The following SETBP1 variants were observed in gnomAD, a reference collection of about 807,000 sequenced individuals.
The protein encoded by SETBP1 is SET binding protein 1, also known as SET-binding protein.
SETBP1 carries 9 observed loss-of-function variants against 101.0 expected under a neutral mutation model. That is an observed-to-expected ratio of 0.09 (90% CI 0.05 to 0.16). The LOEUF is 0.16. Among genes scored for constraint, SETBP1 ranks in the 10% least tolerant of loss-of-function variants. SETBP1 has a pLI of 1.00. For synonymous variants in SETBP1, 818 were observed against 788.5 expected, an observed-to-expected ratio of 1.04 and a Z score of -0.63; for missense variants, 1,858 against 2,033.8, an observed-to-expected ratio of 0.91 and a Z score of 1.66.
chr18:45,045,994 C>G (rs1192446650), intron 5 of SETBP1, among the ~76,000 whole-genome samples: 1 of 152,044 alleles, frequency 6.6e-6, no homozygotes, highest in Non-Finnish European at 1.5e-5. Context: ...AACAAGCCTT[C>G]CCTGACACTC....
chr18:44,999,031 C>T (rs938125933), intron 4 of SETBP1, among the ~76,000 whole-genome samples: 7 of 152,198 alleles, frequency 4.6e-5, no homozygotes, highest in South Asian at 2.1e-4. Context: ...AGAAAACAAT[C>T]CTGATCATCC....
chr18:44,799,712 C>T (rs1374124405), intron 2 of SETBP1, among the ~76,000 whole-genome samples: 2 of 152,160 alleles, frequency 1.3e-5, no homozygotes, highest in South Asian at 2.1e-4. Context: ...TGGAGGTATA[C>T]TTGATAGGAG....
chr18:44,945,506 A>T (rs1242777895), intron 3 of SETBP1, among the ~76,000 whole-genome samples: 3 of 152,204 alleles, frequency 2.0e-5, no homozygotes, highest in African/African-American at 7.2e-5. Context: ...CATTTTTCTT[A>T]TAAAAGTGAG....
chr18:45,018,983 C>T (rs1473032798), intron 4 of SETBP1, among the ~76,000 whole-genome samples: 2 of 152,100 alleles, frequency 1.3e-5, no homozygotes, highest in African/African-American at 4.8e-5. Context: ...AGTATAGACT[C>T]CTAATGAGAG....
Position 44,807,367 on chromosome 18 carries a change from C to T in SETBP1, c.487-61863C>T, listed in dbSNP as rs142867817. Among the ~76,000 whole-genome samples the T allele has an allele frequency of 5.2e-3, 794 of 151,928 alleles. 8 individuals carry two copies. Among genetic ancestry groups the T allele is most frequent in the African/African-American group, 0.018 (741 of 41,476 alleles). On this transcript the variant is annotated intron_variant, in intron 2 of 5. Coordinates refer to ENST00000649279, the MANE Select transcript of SETBP1 (RefSeq NM_015559.3). Reference sequence around the variant, plus strand: ...AAGTACTCTATCAGTAAGCATTTTACATTTATTTTACTCAATTCAGAATCA... The same window carrying T: ...AAGTACTCTATCAGTAAGCATTTTATATTTATTTTACTCAATTCAGAATCA...
chr18:45,004,102 G>A (rs1242249504), intron 4 of SETBP1, among the ~76,000 whole-genome samples: 1 of 152,204 alleles, frequency 6.6e-6, no homozygotes, highest in Non-Finnish European at 1.5e-5. Context: ...TAAATGTCAG[G>A]CGTGCTGAAG....
In SETBP1 at chr18:44,751,193, G is replaced by A. The variant is rs147513076; in HGVS notation, c.486+49361G>A. ...TAGGCAAGGGAGGAGAAAGAAGCAG[G>A]AAGGTAAGGGAGAGTTAAACATGCT... On this transcript the variant is annotated intron_variant, in intron 2 of 5. Transcript: ENST00000649279. Among the ~76,000 whole-genome samples, 256 of 152,322 alleles carry A rather than the reference G, an allele frequency of 1.7e-3. No individual in the cohort carries two copies. The Middle Eastern group carries it at 0.02, about 12-fold the overall frequency.
chr18:44,836,119 C>CT (rs34638058), intron 2 of SETBP1, among the ~76,000 whole-genome samples: 123,872 of 147,320 alleles, frequency 0.84, 52,164 homozygotes, highest in Non-Finnish European at 0.9. Context: ...TCTCTATAAG[C>CT]TTTTTTTTTT....
chr18:44,964,434 T>C (rs983899256), intron 4 of SETBP1, among the ~76,000 whole-genome samples: 3 of 152,188 alleles, frequency 2.0e-5, no homozygotes, highest in Non-Finnish European at 4.4e-5. Flanking sequence ...GTCATAGTCC[T>C]ACAAGTCTGT....
At chr18:44,847,637 G>A (rs1333990631) in intron 2 of SETBP1, among the ~76,000 whole-genome samples, 1 of 152,214 alleles carries the variant, frequency 6.6e-6, no homozygotes. Flanking sequence ...AGCACTGTGG[G>A]GGTAGGGCAC....
At chr18:44,794,585 GT>G (rs1165209640) in intron 2 of SETBP1, among the ~76,000 whole-genome samples, 1 of 152,106 alleles carries the variant, frequency 6.6e-6, no homozygotes, top group Non-Finnish European at 1.5e-5. Flanking sequence ...GGATTTTGAA[GT>G]TTGGATGAGG....
chr18:44,754,818 T>C (rs1599078867), intron 2 of SETBP1, among the ~76,000 whole-genome samples: 1 of 152,232 alleles, frequency 6.6e-6, no homozygotes, highest in East Asian at 1.9e-4. Context: ...GGCTTGATGA[T>C]GAATTCTGTT....
chr18:44,911,607 T>G (rs553069288), intron 3 of SETBP1, among the ~76,000 whole-genome samples: 4 of 152,342 alleles, frequency 2.6e-5, no homozygotes, highest in African/African-American at 9.6e-5. Flanking sequence ...TCTGGGTGTC[T>G]CACCATTAGG....
Position 44,950,767 on chromosome 18 carries a change from C to T in SETBP1, c.1427C>T (p.Pro476Leu). 6.2e-7 allele frequency: 1 copy of T among 1,614,066 alleles called. No homozygotes were observed. The highest frequency in any genetic ancestry group is 8.5e-7 in the Non-Finnish European group (1 of 1,180,012). The change falls in exon 4 of 6, where the codon CCC (proline) becomes CTC (leucine). Residue 476 changes from proline to leucine, a missense_variant. Physicochemically the swap from Pro to Leu is moderately conservative, Grantham distance 98. Coordinates refer to ENST00000649279, the MANE Select transcript of SETBP1 (RefSeq NM_015559.3). ...AGTAAAATGATAGAGAATGAGTCCC[C>T]CTCAGTTGGCCTTGAAACTGGTGGA... is the stretch of plus-strand genomic sequence containing the variant. ...KLSKMIENESPSVGLETGGNA... is the reference protein window; with the variant it reads ...KLSKMIENESLSVGLETGGNA...
chr18:44,928,522 T>A (rs1248969699), intron 3 of SETBP1, among the ~76,000 whole-genome samples: 1 of 152,226 alleles, frequency 6.6e-6, no homozygotes, highest in Non-Finnish European at 1.5e-5. Context: ...TCCACAATGG[T>A]TAAAATAGTT....
At chr18:44,881,178 A>G (rs1388428368) in intron 3 of SETBP1, among the ~76,000 whole-genome samples, 1 of 152,196 alleles carries the variant, frequency 6.6e-6, no homozygotes, top group Non-Finnish European at 1.5e-5. Flanking sequence ...TTGGAGGTTT[A>G]CTTGTCACTC....
chr18:45,048,862 C>T (rs2073666264), intron 5 of SETBP1, among the ~76,000 whole-genome samples: 1 of 149,818 alleles, frequency 6.7e-6, no homozygotes, highest in Non-Finnish European at 1.5e-5. Context: ...GTCCCAGCTA[C>T]TCGGAAGGCT....
intron 3 of SETBP1, among the ~76,000 whole-genome samples, chr18:44,896,061 C>T (rs2069895636): frequency 6.6e-6 from 1 of 152,224 alleles, no homozygotes; most frequent in East Asian, 1.9e-4. Context: ...AGCAGCGCTT[C>T]CTGGGTATTG....
chr18:45,011,979 A>G (rs1211019981), intron 4 of SETBP1, among the ~76,000 whole-genome samples: 1 of 152,230 alleles, frequency 6.6e-6, no homozygotes, highest in Non-Finnish European at 1.5e-5. Flanking sequence ...AGATCCTAGT[A>G]AAATAAAGAT....
Sources: allele counts gnomAD v4.1 joint callset (sites outside exome capture counted in the v4.1 genomes callset), GRCh38; gene constraint gnomAD v4.1.1; transcripts MANE v1.5; gene names NCBI Gene and HGNC (gene_info 2026-07-23, HGNC 2026-07-21).